The following NFIA variants were observed in gnomAD, a reference collection of about 807,000 sequenced individuals.
NFIA encodes the protein nuclear factor I A, also known as nuclear factor 1 A-type.
Under a neutral mutation model 62.8 loss-of-function variants are expected in NFIA, and 8 were observed. The ratio of observed to expected loss-of-function variants is 0.13; its 90% CI spans 0.07 to 0.23. The LOEUF (loss-of-function observed/expected upper bound fraction) is 0.23. Among genes scored for constraint, NFIA ranks in the 10% least tolerant of loss-of-function variants. NFIA has a pLI of 1.00. For synonymous variants in NFIA, 235 were observed against 238.1 expected (o/e 0.99, Z 0.12); for missense variants, 410 against 642.1 (o/e 0.64, Z 3.91).
chr1:61,289,121 G>T (rs1437602764), intron 3 of NFIA, among the ~76,000 whole-genome samples: 2 of 152,148 alleles, frequency 1.3e-5, no homozygotes, highest in Non-Finnish European at 2.9e-5. Context: ...CTGAGCTTAA[G>T]TCCCCTGTTG....
chr1:61,271,790 C>T (rs1657524118), intron 2 of NFIA, among the ~76,000 whole-genome samples: 1 of 152,210 alleles, frequency 6.6e-6, no homozygotes, highest in African/African-American at 2.4e-5. Context: ...TTACCGTGTA[C>T]ATATATCTAG....
chr1:61,278,340 C>T (rs1472593631), intron 3 of NFIA, among the ~76,000 whole-genome samples: 2 of 152,186 alleles, frequency 1.3e-5, no homozygotes, highest in South Asian at 4.1e-4. Context: ...AGTGAACTAG[C>T]AGTGCCTATC....
intron 2 of NFIA, among the ~76,000 whole-genome samples, chr1:61,256,366 A>AGCCAAGATTG (rs1346740774): frequency 4.0e-4 from 60 of 150,562 alleles, no homozygotes; most frequent in African/African-American, 1.4e-3. Flanking sequence ...AACCGAGGAG[A>AGCCAAGATTG]CAGAGGTTGC....
At chr1:61,424,820 T>C (rs966815305) in intron 9 of NFIA, among the ~76,000 whole-genome samples, 3 of 152,174 alleles carry the variant, frequency 2.0e-5, no homozygotes, top group African/African-American at 7.2e-5. Flanking sequence ...ACACTTAATA[T>C]AGATTATTTT....
At chr1:61,271,185 C>T (rs541293427) in intron 2 of NFIA, among the ~76,000 whole-genome samples, 10 of 152,290 alleles carry the variant, frequency 6.6e-5, no homozygotes, top group Non-Finnish European at 1.3e-4. Flanking sequence ...CATAACACAA[C>T]AATAGTTATG....
chr1:61,224,803 C>A (rs1197313603), intron 2 of NFIA, among the ~76,000 whole-genome samples: 1 of 152,102 alleles, frequency 6.6e-6, no homozygotes, highest in African/African-American at 2.4e-5. Context: ...GGAGCTATTC[C>A]AAGTTGGCAA....
At chr1:61,424,482 A>G (rs911633649) in intron 9 of NFIA, among the ~76,000 whole-genome samples, 5 of 152,074 alleles carry the variant, frequency 3.3e-5, no homozygotes, top group African/African-American at 9.7e-5. Flanking sequence ...ACACTGTTCT[A>G]TCAGGGCCAT....
chr1:61,305,502 A>G (rs1405707447), intron 3 of NFIA, among the ~76,000 whole-genome samples: 2 of 152,192 alleles, frequency 1.3e-5, no homozygotes, highest in African/African-American at 4.8e-5. Context: ...GAGACTCTAC[A>G]TAGCTGTGGT....
intron 2 of NFIA, among the ~76,000 whole-genome samples, chr1:61,178,657 C>CT (rs1248923848): frequency 4.6e-5 from 7 of 152,202 alleles, no homozygotes; most frequent in Admixed American, 1.3e-4. Flanking sequence ...ATGATGCATA[C>CT]TCTGTGCATA....
At chr1:61,206,912 C>T (rs547254940) in intron 2 of NFIA, among the ~76,000 whole-genome samples, 10 of 152,192 alleles carry the variant, frequency 6.6e-5, no homozygotes, top group African/African-American at 2.4e-4. Flanking sequence ...GACCAACATA[C>T]CTGTTATTCT....
At chr1:61,375,396 G>A (rs1169233213) in intron 6 of NFIA, among the ~76,000 whole-genome samples, 2 of 152,174 alleles carry the variant, frequency 1.3e-5, no homozygotes, top group Non-Finnish European at 2.9e-5. Flanking sequence ...ATGCCTGAGT[G>A]TAAAAAAGAG....
At chr1:61,208,518 T>C (rs1653038534) in intron 2 of NFIA, among the ~76,000 whole-genome samples, 1 of 152,222 alleles carries the variant, frequency 6.6e-6, no homozygotes, top group African/African-American at 2.4e-5. Flanking sequence ...GTTTGACATA[T>C]TAGAAGCCCT....
intron 6 of NFIA, among the ~76,000 whole-genome samples, chr1:61,377,877 G>A (rs1367265780): frequency 1.3e-5 from 2 of 152,182 alleles, no homozygotes; most frequent in Admixed American, 6.5e-5. Context: ...AGAAGTTACA[G>A]TTCCTTTTGA....
chr1:61,082,400 G>A, upstream of NFIA: 1 of 871,122 alleles, frequency 1.1e-6, no homozygotes, highest in Non-Finnish European at 1.4e-6. Flanking sequence ...GCGCGAGCGG[G>A]CGGCGGCTGT....
At chr1:61,132,325 G>T (rs1253596161) in intron 2 of NFIA, among the ~76,000 whole-genome samples, 1 of 152,066 alleles carries the variant, frequency 6.6e-6, no homozygotes, top group African/African-American at 2.4e-5. Context: ...GGAGGACGTG[G>T]TTTAGTTTTA....
chr1:61,080,617 G>A (rs898586009), upstream of NFIA, among the ~76,000 whole-genome samples: 8 of 152,154 alleles, frequency 5.3e-5, no homozygotes, highest in Non-Finnish European at 1.0e-4. Context: ...TTGGCTTTTA[G>A]GACATTCCTC....
intron 2 of NFIA, among the ~76,000 whole-genome samples, chr1:61,114,449 A>ACT (rs1235851671): frequency 1.3e-5 from 2 of 152,170 alleles, no homozygotes; most frequent in African/African-American, 4.8e-5. Context: ...CAGTTGTACC[A>ACT]CTGCACTCCA....
intron 7 of NFIA, among the ~76,000 whole-genome samples, chr1:61,394,080 T>C (rs1665144576): frequency 6.6e-6 from 1 of 152,208 alleles, no homozygotes; most frequent in Admixed American, 6.5e-5. Flanking sequence ...TCTCAACACA[T>C]TTGTTGAATG....
At chr1:61,435,512 C>A (rs1667286471) in intron 10 of NFIA, among the ~76,000 whole-genome samples, 1 of 152,250 alleles carries the variant, frequency 6.6e-6, no homozygotes, top group South Asian at 2.1e-4. Flanking sequence ...GAGCCTCTGA[C>A]GGCAAGATGG....
Sources: gnomAD v4.1 joint callset for allele counts (sites outside exome capture counted in the v4.1 genomes callset) on GRCh38, gnomAD v4.1.1 for gene constraint, MANE v1.5 for transcripts, NCBI Gene and HGNC (gene_info 2026-07-23, HGNC 2026-07-21) for gene names.